ATP2B4: variants seen among roughly 807,000 people sequenced by gnomAD.
ATP2B4 encodes the protein ATPase plasma membrane Ca2+ transporting 4, also known as plasma membrane calcium-transporting ATPase 4.
In ATP2B4, 39 loss-of-function variants were observed where a neutral mutation model predicts 110.3. That is an observed-to-expected ratio of 0.35 (90% confidence interval 0.27 to 0.46). The LOEUF (loss-of-function observed/expected upper bound fraction) is 0.46, where lower values mean the gene tolerates loss of function less well. ATP2B4 is among the 20% of genes least tolerant of loss of function. ATP2B4 has a pLI of 1.00. For synonymous variants in ATP2B4, 538 were observed against 571.7 expected, an observed-to-expected ratio of 0.94 and a Z score of 0.84; for missense variants, 1,135 against 1,530.9, an observed-to-expected ratio of 0.74 and a Z score of 4.32.
intron 2 of ATP2B4, among the ~76,000 whole-genome samples, chr1:203,697,246 G>C (rs188174114): frequency 3.9e-5 from 6 of 152,306 alleles, no homozygotes; most frequent in Non-Finnish European, 7.3e-5. Flanking sequence ...ACTCTGCCCT[G>C]ATGCTCCCCT....
chr1:203,688,171 G>A (rs901384196), intron 2 of ATP2B4, among the ~76,000 whole-genome samples: 16 of 151,690 alleles, frequency 1.1e-4, no homozygotes, highest in Non-Finnish European at 1.3e-4. Context: ...CCACAGATGC[G>A]CGCCACCATG....
rs768263012 is a variant in ATP2B4 at position 203,710,896 on chromosome 1, C to T, written c.1819C>T (p.Arg607Trp). The change falls in exon 12 of 21, where the codon CGG becomes TGG. Residue 607 changes from arginine (R) to tryptophan (W), a missense_variant. Arg to Trp is a moderately radical substitution (Grantham distance 101, BLOSUM62 -3). Around this residue, in one of 9 missense-constraint regions of ATP2B4, gnomAD observed 368 missense variants for 455.9 expected, o/e 0.81. Coordinates refer to ENST00000357681, the MANE Select transcript of ATP2B4 (RefSeq NM_001684.5). The stretch of plus-strand genomic sequence containing the variant: ...CCCCAGGTGTAATCGAATCCTGGAC[C>T]GGAAAGGGGAAGCAGTGCCATTCAA... ...ILRKCNRILD[R>W]KGEAVPFKNK... is the part of the protein sequence containing the mutation. The T allele has an allele frequency of 2.2e-5, 35 of 1,613,442 alleles. No individual in the cohort carries two copies. The highest frequency in any genetic ancestry group is 1.6e-4 in the East Asian group (7 of 44,848).
At chr1:203,679,114 G>A (rs562998733) in intron 1 of ATP2B4, among the ~76,000 whole-genome samples, 74 of 151,952 alleles carry the variant, frequency 4.9e-4, no homozygotes, top group Non-Finnish European at 8.8e-4. Context: ...ATACCTTACC[G>A]AGAATGCCCC....
At chr1:203,641,656 A>G (rs540008545) in intron 1 of ATP2B4, among the ~76,000 whole-genome samples, 98 of 152,220 alleles carry the variant, frequency 6.4e-4, no homozygotes, top group Non-Finnish European at 1.3e-3. Context: ...CACTCTTACA[A>G]CATGCTATGG....
intron 1 of ATP2B4, among the ~76,000 whole-genome samples, chr1:203,638,625 G>T (rs1461696416): frequency 6.6e-6 from 1 of 152,050 alleles, no homozygotes; most frequent in African/African-American, 2.4e-5. Flanking sequence ...AGAGGTGGGG[G>T]TACAGCCTAG....
intron 2 of ATP2B4, among the ~76,000 whole-genome samples, chr1:203,693,778 G>A (rs185909956): frequency 5.3e-5 from 8 of 152,296 alleles, no homozygotes; most frequent in East Asian, 3.9e-4. Context: ...ACCCTGCCCC[G>A]TGGTGAAGGA....
intron 2 of ATP2B4, among the ~76,000 whole-genome samples, chr1:203,690,538 C>G (rs138150632): frequency 5.3e-5 from 8 of 152,260 alleles, no homozygotes; most frequent in Non-Finnish European, 1.0e-4. Flanking sequence ...TGGGATGGAA[C>G]AGATGTGAGA....
At chr1:203,666,982 C>T (rs767167773) in intron 1 of ATP2B4, among the ~76,000 whole-genome samples, 28 of 152,290 alleles carry the variant, frequency 1.8e-4, no homozygotes, top group Non-Finnish European at 3.4e-4. Context: ...GATAGGGTCT[C>T]ACTTTGTCAT....
At chr1:203,728,813 C>A (rs959020231) in intron 20 of ATP2B4, among the ~76,000 whole-genome samples, 1 of 150,912 alleles carries the variant, frequency 6.6e-6, no homozygotes, top group East Asian at 2.0e-4. Context: ...GCTGAGATTG[C>A]GCCATTGCAC....
chr1:203,630,268 T>A (rs1274350836), intron 1 of ATP2B4, among the ~76,000 whole-genome samples: 2 of 152,034 alleles, frequency 1.3e-5, no homozygotes, highest in African/African-American at 4.8e-5. Flanking sequence ...CCCTGCCACC[T>A]GTCAGCAGGT....
intron 20 of ATP2B4, among the ~76,000 whole-genome samples, chr1:203,734,789 G>C (rs1054550996): frequency 2.0e-5 from 3 of 151,242 alleles, no homozygotes; most frequent in Admixed American, 6.6e-5. Flanking sequence ...TGGATCATAA[G>C]GTCAGGAGTT....
chr1:203,683,355 T>C lies in ATP2B4; in HGVS notation c.150T>C (p.Gly50=), dbSNP rs1436669652. 1 of 1,613,608 alleles carries C rather than the reference T, an allele frequency of 6.2e-7. No individual in the cohort carries two copies. The highest frequency in any genetic ancestry group is 8.5e-7 in the Non-Finnish European group (1 of 1,179,788). Residue 50 remains glycine (G), a synonymous_variant, in exon 2 of 21, where the codon GGT becomes GGC. Coordinates refer to ENST00000357681, the MANE Select transcript of ATP2B4 (RefSeq NM_001684.5). ...CCCAGATTAATGTCCACTATGGAGG[T>C]GTACAGAATCTCTGCAGTAGACTGA... is the stretch of plus-strand genomic sequence containing the variant. ...ALTQINVHYG[G]VQNLCSRLKT... is the part of the protein sequence containing the mutation.
intron 1 of ATP2B4, among the ~76,000 whole-genome samples, chr1:203,667,705 G>A (rs965373308): frequency 1.3e-5 from 2 of 152,224 alleles, no homozygotes; most frequent in South Asian, 2.1e-4. Context: ...CCTCACTGCC[G>A]TGGGACTTCC....
In ATP2B4 at chr1:203,689,188, G is replaced by C. The variant is rs1029757666; in HGVS notation, c.193+5790G>C. On this transcript the variant is annotated intron_variant, in intron 2 of 20. Transcript: ENST00000357681. ...GCCTCGTGAGTGGAAGAAGCTTTTT[G>C]TGAATCTGGGATGAAAATTACCTGT... Among the ~76,000 whole-genome samples the C allele has an allele frequency of 2.6e-5, 4 of 152,188 alleles. No individual in the cohort carries two copies. The South Asian group carries it at 8.3e-4, about 31-fold the overall frequency.
In ATP2B4 at chr1:203,723,959, A is replaced by C. The variant is rs1400491815; in HGVS notation, c.3103A>C (p.Ile1035Leu). ...SLSQWLWCLF[I>L]GIGELLWGQF... is the part of the protein sequence containing the mutation. ...GTCTCAGTGGCTGTGGTGTCTCTTCATTGGGATTGGAGAACTTCTGTGGGG... is the reference window on the plus strand; with the variant it reads ...GTCTCAGTGGCTGTGGTGTCTCTTCCTTGGGATTGGAGAACTTCTGTGGGG... The change falls in exon 19 of 21, where the codon ATT becomes CTT. Residue 1035 changes from isoleucine to leucine, a missense_variant. By Grantham distance (5) the Ile-to-Leu change is conservative. Transcript: ENST00000357681. 6.2e-7 allele frequency: 1 copy of C among 1,611,408 alleles called. No homozygotes were observed. Among genetic ancestry groups the C allele is most frequent in the South Asian group, 1.1e-5 (1 of 90,440 alleles).
At chr1:203,665,724 C>T (rs1212834063) in intron 1 of ATP2B4, among the ~76,000 whole-genome samples, 5 of 145,984 alleles carry the variant, frequency 3.4e-5, no homozygotes, top group African/African-American at 7.6e-5. Flanking sequence ...CACTTGAACC[C>T]GGGAGGCGGA....
intron 8 of ATP2B4, among the ~76,000 whole-genome samples, chr1:203,704,902 T>G (rs184191654): frequency 6.6e-6 from 1 of 152,114 alleles, no homozygotes. Flanking sequence ...CTTGTTAAAG[T>G]GTAGATTCAG....
chr1:203,700,931 G>T lies in ATP2B4; in HGVS notation c.901+8G>T, dbSNP rs1665672766. Reference sequence around the variant, plus strand: ...GGGAGAAAAAGAAGAAAGGTAAGGGGCATCTGGAATGAGATTCTCTTTCCT... The same window carrying T: ...GGGAGAAAAAGAAGAAAGGTAAGGGTCATCTGGAATGAGATTCTCTTTCCT... On this transcript the variant is annotated splice_region_variant and intron_variant, in intron 6 of 20. Coordinates refer to ENST00000357681, the MANE Select transcript of ATP2B4 (RefSeq NM_001684.5). The T allele has an allele frequency of 6.2e-7, 1 of 1,610,922 alleles. No individual in the cohort carries two copies. Among genetic ancestry groups the T allele is most frequent in the African/African-American group, 1.3e-5 (1 of 74,794 alleles).
chr1:203,679,655 G>C (rs958782346), intron 1 of ATP2B4, among the ~76,000 whole-genome samples: 1 of 151,988 alleles, frequency 6.6e-6, no homozygotes, highest in Non-Finnish European at 1.5e-5. Flanking sequence ...GAGGCCGAGG[G>C]GGGTGGATCA....
Sources: allele counts gnomAD v4.1 joint callset (sites outside exome capture counted in the v4.1 genomes callset), GRCh38; gene constraint gnomAD v4.1.1; regional missense constraint gnomAD v4.1.1; transcripts MANE v1.5; gene names NCBI Gene and HGNC (gene_info 2026-07-23, HGNC 2026-07-21).